The following ABHD2 variants were observed in gnomAD, a reference collection of about 807,000 sequenced individuals.
The protein encoded by ABHD2 is monoacylglycerol lipase ABHD2.
A neutral mutation model predicts 48.1 loss-of-function variants in ABHD2; 20 were observed. The observed-to-expected ratio is 0.42, with a 90% CI of 0.29 to 0.60. The LOEUF (loss-of-function observed/expected upper bound fraction) is 0.60, where lower values mean the gene tolerates loss of function less well. ABHD2 is among the 20% of genes least tolerant of loss of function. The pLI is 0.24. For missense variants in ABHD2, 405 were observed against 550.9 expected, an observed-to-expected ratio of 0.74 and a Z score of 2.65; for synonymous variants, 209 against 214.2, an observed-to-expected ratio of 0.98 and a Z score of 0.21.
chr15:89,170,096 T>TTTTTTTTTTTG (rs2050899465), intron 5 of ABHD2, among the ~76,000 whole-genome samples: 1 of 122,262 alleles, frequency 8.2e-6, no homozygotes, highest in African/African-American at 3.2e-5. Context: ...TTTTTTTTTT[T>TTTTTTTTTTTG]TTTTTTTTTT....
chr15:89,063,101 A>G, the ABHD2 span, among the ~76,000 whole-genome samples: 134,700 of 151,632 alleles, frequency 0.89, 59,918 homozygotes, highest in South Asian at 0.95. Flanking sequence ...CCAAGTAGCT[A>G]GGACTACAGG....
At chr15:89,068,906 C>T in the ABHD2 span, among the ~76,000 whole-genome samples, 1 of 150,498 alleles carries the variant, frequency 6.6e-6, no homozygotes, top group African/African-American at 2.4e-5. Context: ...GTAGCTGGGA[C>T]TACAGGCGCA....
At chr15:89,117,329 G>C (rs1167784357) in intron 3 of ABHD2, among the ~76,000 whole-genome samples, 1 of 152,208 alleles carries the variant, frequency 6.6e-6, no homozygotes, top group Admixed American at 6.5e-5. Context: ...CCTTCCTCCA[G>C]ATCTGTATTT....
rs750163635 is a variant in ABHD2, at chr15:89,184,445, A to C, written c.723-979A>C. ...ATTCACAGGGTGGAGTCAGGCCTGG[A>C]GATTTTGAAACGTGCAAGATAAAAG... On this transcript the variant is annotated intron_variant, in intron 6 of 10. Coordinates refer to ENST00000352732, the MANE Select transcript of ABHD2 (RefSeq NM_152924.5). The surrounding 1 kb of genome is among the most constrained non-coding windows in gnomAD (Gnocchi z 5.1). Among the ~76,000 whole-genome samples the C allele has an allele frequency of 6.6e-6, 1 of 152,154 alleles. No homozygotes were observed. Among genetic ancestry groups the C allele is most frequent in the Non-Finnish European group, 1.5e-5 (1 of 68,030 alleles).
chr15:89,140,972 C>CT (rs139248772), intron 3 of ABHD2, among the ~76,000 whole-genome samples: 74 of 146,826 alleles, frequency 5.0e-4, no homozygotes, highest in Admixed American at 1.9e-3. Context: ...TTTAGTTTCA[C>CT]TTTTTTTTTT....
intron 3 of ABHD2, chr15:89,135,675 C>G: frequency 6.5e-7 from 1 of 1,537,500 alleles, no homozygotes; most frequent in Non-Finnish European, 8.9e-7. Flanking sequence ...GCAGGCTTTC[C>G]TTTAGCCCGA....
the ABHD2 span, among the ~76,000 whole-genome samples, chr15:89,059,112 G>T: frequency 2.0e-5 from 3 of 152,152 alleles, no homozygotes; most frequent in African/African-American, 4.8e-5. Context: ...AAAGCCAAAT[G>T]GAAATTTTCT....
At chr15:89,170,077 A>ATTTTT (rs1555432359) in intron 5 of ABHD2, among the ~76,000 whole-genome samples, 26 of 56,126 alleles carry the variant, frequency 4.6e-4, no homozygotes, top group East Asian at 2.6e-3. Context: ...GTCAGATCAG[A>ATTTTT]TTCTTTTTTT....
At chr15:89,055,149 G>T in the ABHD2 span, among the ~76,000 whole-genome samples, 19 of 152,130 alleles carry the variant, frequency 1.2e-4, no homozygotes, top group East Asian at 2.3e-3. Context: ...AGTGAGCCAT[G>T]ATTGCGCCAC....
intron 3 of ABHD2, among the ~76,000 whole-genome samples, chr15:89,145,210 G>A (rs1290896132): frequency 6.6e-6 from 1 of 152,160 alleles, no homozygotes; most frequent in Non-Finnish European, 1.5e-5. Context: ...GAGCCGAGAT[G>A]GTGCCATTGC....
chr15:89,156,662 C>T (rs975800501), intron 5 of ABHD2, among the ~76,000 whole-genome samples: 6 of 151,042 alleles, frequency 4.0e-5, no homozygotes, highest in East Asian at 2.0e-4. Context: ...CACTTGAACC[C>T]GGGAGGCAGA....
rs758372535 is a variant in ABHD2 at position 89,151,766 on chromosome 15, A to G, written c.284A>G (p.Tyr95Cys). The change falls in exon 4 of 11, where the codon TAT becomes TGT. Residue 95 changes from tyrosine to cysteine, a missense_variant. Physicochemically the swap from Tyr to Cys is radical, Grantham distance 194. Coordinates refer to ENST00000352732, the MANE Select transcript of ABHD2 (RefSeq NM_152924.5). This position sits in a 1 kb window ranked among gnomAD's most constrained non-coding sequence, Gnocchi z 4.7. ...KMGRVRSPHPYGHRKFITMSD... is the reference protein window; with the variant it reads ...KMGRVRSPHPCGHRKFITMSD... ...GGAAGGGTGAGGTCGCCACATCCTT[A>G]TGGGCACCGGAAGTTCATCACTATG... The G allele has an allele frequency of 1.9e-6, 3 of 1,614,244 alleles. No individual in the cohort carries two copies. Among genetic ancestry groups the G allele is most frequent in the South Asian group, 1.1e-5 (1 of 91,088 alleles).
At chr15:89,133,380 T>C (rs543344971) in intron 3 of ABHD2, among the ~76,000 whole-genome samples, 28 of 152,348 alleles carry the variant, frequency 1.8e-4, no homozygotes, top group Middle Eastern at 3.4e-3. Context: ...GATGCGCACC[T>C]GTCAGTATAG....
chr15:89,181,274 G>T (rs2051110587), intron 6 of ABHD2, among the ~76,000 whole-genome samples: 1 of 144,920 alleles, frequency 6.9e-6, no homozygotes, highest in African/African-American at 2.6e-5. Flanking sequence ...TTTATGTTAT[G>T]TGTTTTTATC....
intron 5 of ABHD2, among the ~76,000 whole-genome samples, chr15:89,157,843 A>C (rs2050699234): frequency 6.6e-6 from 1 of 151,982 alleles, no homozygotes; most frequent in African/African-American, 2.4e-5. Context: ...ACTCCATCTC[A>C]AAAAATTAAA....
chr15:89,109,933 T>A (rs962006428), intron 1 of ABHD2, among the ~76,000 whole-genome samples: 1 of 152,198 alleles, frequency 6.6e-6, no homozygotes, highest in African/African-American at 2.4e-5. Context: ...TGACATAGTA[T>A]TTGCATATAA....
chr15:89,049,763 G>A, the ABHD2 span, among the ~76,000 whole-genome samples: 55 of 152,314 alleles, frequency 3.6e-4, no homozygotes, highest in South Asian at 4.8e-3. Flanking sequence ...CATGATGCAC[G>A]CACCCACTGA....
rs1223705309 is a variant in ABHD2 at position 89,177,772 on chromosome 15, G to A, written c.722+1777G>A. Among the ~76,000 whole-genome samples, 1 of 152,096 alleles carries A rather than the reference G, an allele frequency of 6.6e-6. No homozygotes were observed. Among genetic ancestry groups the A allele is most frequent in the Admixed American group, 6.6e-5 (1 of 15,260 alleles). On this transcript the variant is annotated intron_variant, in intron 6 of 10. Coordinates refer to ENST00000352732, the MANE Select transcript of ABHD2 (RefSeq NM_152924.5). This position sits in a 1 kb window ranked among gnomAD's most constrained non-coding sequence, Gnocchi z 5.6. Reference sequence around the variant, plus strand: ...AACCAGAATTAACCAAAGTCCTGTCGGGCCCAGTCACTGGGATAAGAAAGA... The same window carrying A: ...AACCAGAATTAACCAAAGTCCTGTCAGGCCCAGTCACTGGGATAAGAAAGA...
At chr15:89,135,925 A>C (rs373864530) in intron 3 of ABHD2, 9 of 530,412 alleles carry the variant, frequency 1.7e-5, no homozygotes, top group East Asian at 3.4e-5. Context: ...GGATCCTTTA[A>C]CTTTTTTTTT....
Sources: allele counts gnomAD v4.1 joint callset (sites outside exome capture counted in the v4.1 genomes callset), GRCh38; gene constraint gnomAD v4.1.1; non-coding constraint Gnocchi (gnomAD v3.1); transcripts MANE v1.5; gene names NCBI Gene and HGNC (gene_info 2026-07-23, HGNC 2026-07-21).